Variants in CNGB3 observed in about 807,000 individuals in gnomAD.
CNGB3 encodes cyclic nucleotide gated channel subunit beta 3, also known as cyclic nucleotide-gated channel beta-3.
Under a neutral mutation model 92.8 loss-of-function variants are expected in CNGB3, and 86 were observed. That is an observed-to-expected ratio of 0.93 (90% CI 0.78 to 1.11). CNGB3 has a LOEUF of 1.11. Ranked by LOEUF, CNGB3 falls within the 50% of genes least tolerant of loss-of-function variation. CNGB3 has a pLI of 0.00. For synonymous variants in CNGB3, 333 were observed against 332.7 expected, an observed-to-expected ratio of 1.00 and a Z score of -0.01; for missense variants, 1,026 against 956.8, an observed-to-expected ratio of 1.07 and a Z score of -0.95.
rs192828040 is a variant in CNGB3 at position 86,596,797 on chromosome 8, C to T, written c.1781+7296G>A. ...AAACCAAATGTCCATCAATAATAGA[C>T]TGGAAAAAGAAAATGTGGCACATAT... On this transcript the variant is annotated intron_variant, in intron 15 of 17. Transcript: ENST00000320005. 1.0e-3 allele frequency among the ~76,000 whole-genome samples: 155 copies of T among 152,218 alleles called. 1 individual carries two copies. The highest frequency in any genetic ancestry group is 3.5e-3 in the African/African-American group (147 of 41,522).
intron 3 of CNGB3, among the ~76,000 whole-genome samples, chr8:86,674,807 C>T (rs1180062028): frequency 1.3e-5 from 2 of 152,096 alleles, no homozygotes; most frequent in South Asian, 2.1e-4. Flanking sequence ...GGCTGGAGTG[C>T]AGTGGTACAA....
chr8:86,641,631 TC>T (rs1195546567), intron 10 of CNGB3, among the ~76,000 whole-genome samples: 1 of 150,256 alleles, frequency 6.7e-6, no homozygotes, highest in Admixed American at 6.6e-5. Flanking sequence ...ATTTCCTTAT[TC>T]ATTTTTTTTT....
At chr8:86,642,072 T>C (rs898141513) in intron 10 of CNGB3, among the ~76,000 whole-genome samples, 20 of 151,754 alleles carry the variant, frequency 1.3e-4, no homozygotes, top group African/African-American at 3.9e-4. Context: ...TATATACCTA[T>C]ATATTGTCTA....
At chr8:86,660,627 C>A in intron 6 of CNGB3, 1 of 533,840 alleles carries the variant, frequency 1.9e-6, no homozygotes, top group Admixed American at 1.9e-5. Flanking sequence ...TTGCCTCTGA[C>A]TAAGATGGCA....
Position 86,739,549 on chromosome 8 carries a change from T to TA in CNGB3, c.211+105dup, listed in dbSNP as rs556229332. ...CAAATAACCTCAGTATGACCCTAGA[T>TA]AATTCACCTAGTCAAGGACAAATAT... On this transcript the variant is annotated intron_variant, in intron 2 of 17. Coordinates refer to ENST00000320005, the MANE Select transcript of CNGB3 (RefSeq NM_019098.5). 348 of 1,527,052 alleles carry TA rather than the reference T, an allele frequency of 2.3e-4. No homozygotes were observed. In the African/African-American group the frequency reaches 3.7e-3, roughly 16 times the overall value. 94.6% of individuals were successfully genotyped at this position (1,527,052 alleles called of 1,614,324 possible).
chr8:86,741,572 A>G lies in CNGB3; in HGVS notation c.130-1836T>C, dbSNP rs181176654. On this transcript the variant is annotated intron_variant, in intron 1 of 17. Transcript: ENST00000320005. ...TCCCAGCTACTCGGGAGGCTGAGGC[A>G]GGAGAATCGTTTGAACCCAGGACAC... Among the ~76,000 whole-genome samples, 7 of 152,252 alleles carry G rather than the reference A, an allele frequency of 4.6e-5. No homozygotes were observed. In the East Asian group the frequency reaches 1.4e-3, roughly 29 times the overall value.
chr8:86,666,921 T>C lies in CNGB3; in HGVS notation c.852+4A>G. On this transcript the variant is annotated splice_donor_region_variant and intron_variant, in intron 6 of 17. Coordinates refer to ENST00000320005, the MANE Select transcript of CNGB3 (RefSeq NM_019098.5). ...AGTTTCTGCCTTTCCCGAACCCCAC[T>C]TACTATTATGTCTCCTCCTCTTACA... The C allele has an allele frequency of 1.1e-5, 17 of 1,610,588 alleles. No homozygotes were observed. Among genetic ancestry groups the C allele is most frequent in the Non-Finnish European group, 1.4e-5 (16 of 1,178,390 alleles).
intron 3 of CNGB3, among the ~76,000 whole-genome samples, chr8:86,675,483 A>G (rs374160607): frequency 6.6e-6 from 1 of 152,044 alleles, no homozygotes; most frequent in Non-Finnish European, 1.5e-5. Flanking sequence ...TGTCACCATC[A>G]TAGCTTACTG....
intron 7 of CNGB3, among the ~76,000 whole-genome samples, chr8:86,648,343 T>A (rs1236214121): frequency 6.6e-6 from 1 of 151,212 alleles, no homozygotes. Flanking sequence ...GATTATATTG[T>A]GGTTCATTTA....
At chr8:86,686,140 T>C (rs1009203475) in intron 3 of CNGB3, among the ~76,000 whole-genome samples, 4 of 152,096 alleles carry the variant, frequency 2.6e-5, no homozygotes, top group African/African-American at 4.8e-5. Flanking sequence ...CTGATGAACA[T>C]TGTCATCAAA....
At chr8:86,589,851 G>A (rs1235819810) in intron 15 of CNGB3, among the ~76,000 whole-genome samples, 1 of 151,888 alleles carries the variant, frequency 6.6e-6, no homozygotes, top group African/African-American at 2.4e-5. Flanking sequence ...GATGTCTATT[G>A]GGTCTGCTTG....
intron 7 of CNGB3, among the ~76,000 whole-genome samples, chr8:86,653,010 A>G (rs1823436206): frequency 6.6e-6 from 1 of 152,094 alleles, no homozygotes. Flanking sequence ...CAAACAGGTG[A>G]ATAACACATT....
chr8:86,736,762 G>A (rs1264864839), intron 2 of CNGB3, among the ~76,000 whole-genome samples: 3 of 151,770 alleles, frequency 2.0e-5, no homozygotes, highest in African/African-American at 4.8e-5. Flanking sequence ...AAAAAAAAAG[G>A]CAAGACCACA....
chr8:86,622,733 G>C (rs955091593), intron 13 of CNGB3, among the ~76,000 whole-genome samples: 6 of 152,140 alleles, frequency 3.9e-5, no homozygotes, highest in Non-Finnish European at 1.5e-5. Context: ...TTTCCTTTTG[G>C]ACCTAGGTTT....
chr8:86,607,880 G>A (rs372737545), intron 14 of CNGB3, among the ~76,000 whole-genome samples: 77 of 152,148 alleles, frequency 5.1e-4, no homozygotes, highest in African/African-American at 1.8e-3. Flanking sequence ...TCAATATTTT[G>A]TGAAAACGAT....
At position 86,667,923 on chromosome 8, in the gene CNGB3, A is replaced by C; in HGVS notation, c.643+96T>G. 2.3e-6 allele frequency: 3 copies of C among 1,312,928 alleles called. No homozygotes were observed. In the South Asian group the frequency reaches 3.6e-5, roughly 16 times the overall value. 81.3% of individuals were successfully genotyped at this position (1,312,928 alleles called of 1,614,324 possible). On this transcript the variant is annotated intron_variant, in intron 5 of 17. Coordinates refer to ENST00000320005, the MANE Select transcript of CNGB3 (RefSeq NM_019098.5). ...GCTTCCTAGTTAGATTGAGAATATGAAGTAAGGAAAATAGAAGCTATCTGT... is the reference window on the plus strand; with the variant it reads ...GCTTCCTAGTTAGATTGAGAATATGCAGTAAGGAAAATAGAAGCTATCTGT...
At chr8:86,726,358 G>A (rs971815668) in intron 3 of CNGB3, among the ~76,000 whole-genome samples, 173 bp downstream of exon 3, 7 of 152,164 alleles carry the variant, frequency 4.6e-5, no homozygotes, top group African/African-American at 9.7e-5. Context: ...AGTGAGGTAC[G>A]ATGAACTGGA....
At chr8:86,642,501 A>T (rs889535434) in intron 10 of CNGB3, among the ~76,000 whole-genome samples, 1 of 151,572 alleles carries the variant, frequency 6.6e-6, no homozygotes, top group South Asian at 2.1e-4. Flanking sequence ...TACATATCCA[A>T]CTCACTCTAG....
chr8:86,645,892 G>T (rs552529469), intron 8 of CNGB3, among the ~76,000 whole-genome samples: 7 of 151,186 alleles, frequency 4.6e-5, no homozygotes, highest in Non-Finnish European at 1.0e-4. Flanking sequence ...ACATATAGAT[G>T]ATAAATATTT....
Sources: gnomAD v4.1 joint callset for allele counts (sites outside exome capture counted in the v4.1 genomes callset) on GRCh38, gnomAD v4.1.1 for gene constraint, MANE v1.5 for transcripts, NCBI Gene and HGNC (gene_info 2026-07-23, HGNC 2026-07-21) for gene names.